Variants in LTBP1 observed in about 807,000 individuals in gnomAD.
LTBP1 encodes latent-transforming growth factor beta-binding protein 1.
LTBP1 carries 129 observed loss-of-function variants against 207.6 expected under a neutral mutation model. The observed-to-expected ratio is 0.62, with a 90% CI of 0.54 to 0.72. LTBP1 has a LOEUF of 0.72. LTBP1 is among the 30% of genes least tolerant of loss of function. The pLI, the probability that LTBP1 is intolerant of heterozygous loss-of-function variation, is 0.00. For missense variants in LTBP1, 2,281 were observed against 2,217.2 expected, an observed-to-expected ratio of 1.03 and a Z score of -0.58; for synonymous variants, 963 against 833.7, an observed-to-expected ratio of 1.16 and a Z score of -2.67.
intron 5 of LTBP1, among the ~76,000 whole-genome samples, chr2:33,183,098 CT>C: frequency 6.6e-6 from 1 of 152,148 alleles, no homozygotes; most frequent in Non-Finnish European, 1.5e-5. Flanking sequence ...TGTCGTACTC[CT>C]TTTTGAGTTT....
At chr2:33,375,843 A>G (rs778954434) in intron 31 of LTBP1, among the ~76,000 whole-genome samples, 2 of 151,320 alleles carry the variant, frequency 1.3e-5, no homozygotes, top group Non-Finnish European at 2.9e-5. Flanking sequence ...CGCCCGGCCT[A>G]TGTTGGGTTT....
chr2:33,027,836 AG>A (rs1277868771), intron 3 of LTBP1, among the ~76,000 whole-genome samples: 1 of 152,220 alleles, frequency 6.6e-6, no homozygotes, highest in Non-Finnish European at 1.5e-5. Flanking sequence ...ACTCCATCTC[AG>A]AAAAAAGAAA....
At chr2:33,116,275 C>T (rs2080740778) in intron 4 of LTBP1, among the ~76,000 whole-genome samples, 1 of 152,202 alleles carries the variant, frequency 6.6e-6, no homozygotes, top group African/African-American at 2.4e-5. Context: ...TTGGATTTCT[C>T]ATTGCTAATT....
chr2:33,358,719 T>G (rs2094893581), intron 26 of LTBP1, among the ~76,000 whole-genome samples: 1 of 152,138 alleles, frequency 6.6e-6, no homozygotes, highest in African/African-American at 2.4e-5. Flanking sequence ...CTAGCTACAT[T>G]TTTGGACCAG....
chr2:33,257,064 G>A (rs966405183), intron 11 of LTBP1, among the ~76,000 whole-genome samples: 4 of 151,436 alleles, frequency 2.6e-5, no homozygotes, highest in African/African-American at 9.7e-5. Context: ...TTAACAGATG[G>A]AAAAATGTTT....
chr2:33,055,644 C>T (rs1386529170), intron 3 of LTBP1, among the ~76,000 whole-genome samples: 1 of 152,224 alleles, frequency 6.6e-6, no homozygotes, highest in Non-Finnish European at 1.5e-5. Flanking sequence ...TTTGATCTAA[C>T]AGTAGCATGA....
chr2:33,329,600 T>C (rs2094470943), intron 24 of LTBP1, among the ~76,000 whole-genome samples: 1 of 152,118 alleles, frequency 6.6e-6, no homozygotes, highest in Non-Finnish European at 1.5e-5. Flanking sequence ...ATTTCTTCAT[T>C]TCCTAAATGG....
intron 7 of LTBP1, among the ~76,000 whole-genome samples, chr2:33,215,110 A>C (rs1469547822): frequency 6.6e-6 from 1 of 152,088 alleles, no homozygotes; most frequent in East Asian, 1.9e-4. Context: ...GGGGCCTCAA[A>C]TGGGACATCT....
chr2:32,989,075 T>C (rs1428621179), intron 2 of LTBP1, among the ~76,000 whole-genome samples: 1 of 152,210 alleles, frequency 6.6e-6, no homozygotes, highest in Non-Finnish European at 1.5e-5. Flanking sequence ...CTTGAAATGA[T>C]GACAACAAAG....
chr2:33,050,064 G>A (rs1005734082), intron 3 of LTBP1, among the ~76,000 whole-genome samples: 1 of 151,722 alleles, frequency 6.6e-6, no homozygotes. Flanking sequence ...GGTTGGTCTC[G>A]AACTCCCGGC....
intron 2 of LTBP1, among the ~76,000 whole-genome samples, chr2:32,990,660 ATG>A (rs1684269636): frequency 6.6e-6 from 1 of 152,182 alleles, no homozygotes; most frequent in Admixed American, 6.5e-5. Context: ...ATAAATGAGT[ATG>A]TGTGTGTGGG....
intron 7 of LTBP1, among the ~76,000 whole-genome samples, chr2:33,217,256 A>T (rs1037473545): frequency 6.6e-6 from 1 of 152,252 alleles, no homozygotes; most frequent in Non-Finnish European, 1.5e-5. Context: ...TGAGGCTCTT[A>T]TTAAGAAAAA....
At chr2:33,167,058 C>G (rs376390236) in intron 5 of LTBP1, among the ~76,000 whole-genome samples, 5 of 152,152 alleles carry the variant, frequency 3.3e-5, no homozygotes, top group African/African-American at 9.7e-5. Context: ...CCACCCAGAT[C>G]TGAGTTTTGT....
In LTBP1 at chr2:33,217,578, A is replaced by G. The variant is rs746631411; in HGVS notation, c.1728A>G (p.Ser576=). Residue 576 remains serine (S), a synonymous_variant, in exon 8 of 34, where the codon TCA becomes TCG. Transcript: ENST00000404816. Reference sequence around the variant, plus strand: ...GTGGCAAAGCGCTCCCTGGCCTTTCAAAGCAAGAGGACTGCTGTGGAACTG... The same window carrying G: ...GTGGCAAAGCGCTCCCTGGCCTTTCGAAGCAAGAGGACTGCTGTGGAACTG... ...SQCGKALPGL[S]KQEDCCGTVG... 1 of 1,613,942 alleles carries G rather than the reference A, an allele frequency of 6.2e-7. No individual in the cohort carries two copies. Among genetic ancestry groups the G allele is most frequent in the Non-Finnish European group, 8.5e-7 (1 of 1,179,874 alleles).
chr2:33,279,695 A>G (rs1250399217), intron 18 of LTBP1, among the ~76,000 whole-genome samples: 1 of 152,040 alleles, frequency 6.6e-6, no homozygotes, highest in East Asian at 1.9e-4. Context: ...CATTCTTTGT[A>G]TTTCTTTCTG....
intron 3 of LTBP1, chr2:33,056,632 C>A (rs1435953638): frequency 1.2e-5 from 3 of 241,390 alleles, no homozygotes; most frequent in Middle Eastern, 1.3e-3. Context: ...GGAGTTTGTT[C>A]CTTCTGATGT....
intron 2 of LTBP1, among the ~76,000 whole-genome samples, chr2:33,014,110 A>C (rs1688023769): frequency 6.6e-6 from 1 of 152,210 alleles, no homozygotes; most frequent in Non-Finnish European, 1.5e-5. Context: ...ACAGGTTTCA[A>C]ATAGATTTTC....
chr2:33,246,314 T>A (rs2149819163), intron 10 of LTBP1, among the ~76,000 whole-genome samples: 3 of 152,304 alleles, frequency 2.0e-5, no homozygotes, highest in Middle Eastern at 6.8e-3. Flanking sequence ...AGTCTGATTT[T>A]CAGGTGAATT....
At chr2:33,318,775 C>G (rs143536751) in intron 24 of LTBP1, among the ~76,000 whole-genome samples, 1 of 152,118 alleles carries the variant, frequency 6.6e-6, no homozygotes, top group Non-Finnish European at 1.5e-5. Context: ...TCACTCAACT[C>G]GTTGTTTTAT....
Sources: gnomAD v4.1 joint callset for allele counts (sites outside exome capture counted in the v4.1 genomes callset) on GRCh38, gnomAD v4.1.1 for gene constraint, MANE v1.5 for transcripts, NCBI Gene and HGNC (gene_info 2026-07-23, HGNC 2026-07-21) for gene names.